The following FBN1 variants were observed in gnomAD, a reference collection of about 807,000 sequenced individuals.
The protein encoded by FBN1 is fibrillin 1.
In FBN1, 29 loss-of-function variants were observed where a neutral mutation model predicts 365.1. The ratio of observed to expected loss-of-function variants is 0.08; its 90% CI spans 0.06 to 0.11. FBN1 has a LOEUF of 0.11. Among genes scored for constraint, FBN1 ranks in the 10% least tolerant of loss-of-function variants. FBN1 has a pLI of 1.00. For missense variants in FBN1, 2,476 were observed against 3,703.2 expected, an observed-to-expected ratio of 0.67 and a Z score of 8.60; for synonymous variants, 1,210 against 1,270.5, an observed-to-expected ratio of 0.95 and a Z score of 1.01.
At chr15:48,543,428 C>T (rs777209821) in intron 6 of FBN1, among the ~76,000 whole-genome samples, 2 of 152,124 alleles carry the variant, frequency 1.3e-5, no homozygotes, top group African/African-American at 4.8e-5. Flanking sequence ...TCACGGAGAT[C>T]GTCTGAAATT....
chr15:48,464,740 G>A (rs939972636), intron 40 of FBN1, among the ~76,000 whole-genome samples: 1 of 152,132 alleles, frequency 6.6e-6, no homozygotes, highest in Non-Finnish European at 1.5e-5. Context: ...ATAGTATCCC[G>A]AAGCCATTAA....
intron 13 of FBN1, among the ~76,000 whole-genome samples, chr15:48,512,673 G>A (rs912769789): frequency 3.9e-5 from 6 of 152,080 alleles, no homozygotes; most frequent in Non-Finnish European, 7.4e-5. Flanking sequence ...TTTTATGGCT[G>A]CATAATATTC....
chr15:48,524,849 T>A (rs1262233959), intron 9 of FBN1, among the ~76,000 whole-genome samples: 1 of 152,238 alleles, frequency 6.6e-6, no homozygotes, highest in Non-Finnish European at 1.5e-5. Context: ...GATCCATGAA[T>A]CTTAGTTCCC....
intron 2 of FBN1, among the ~76,000 whole-genome samples, chr15:48,616,166 T>C (rs1320331046): frequency 6.6e-6 from 1 of 152,240 alleles, no homozygotes; most frequent in Non-Finnish European, 1.5e-5. Flanking sequence ...TAAGGTTCTT[T>C]ATAATTTTGG....
Position 48,576,028 on chromosome 15 carries a change from A to C in FBN1, c.538+20255T>G, listed in dbSNP as rs192053315. 5.9e-5 allele frequency among the ~76,000 whole-genome samples: 9 copies of C among 152,322 alleles called. No individual in the cohort carries two copies. In the East Asian group the frequency reaches 1.7e-3, roughly 29 times the overall value. On this transcript the variant is annotated intron_variant, in intron 6 of 65. Coordinates refer to ENST00000316623, the MANE Select transcript of FBN1 (RefSeq NM_000138.5). ...TGGGAAACAGAAGAGCAAGAGGACC[A>C]AAACTCACATGGAGTGGTCTCACCT...
At chr15:48,629,790 C>T (rs1231538576) in intron 2 of FBN1, among the ~76,000 whole-genome samples, 1 of 152,218 alleles carries the variant, frequency 6.6e-6, no homozygotes, top group African/African-American at 2.4e-5. Context: ...TTAAAAAACA[C>T]AAATTTGCAG....
intron 32 of FBN1, among the ~76,000 whole-genome samples, chr15:48,475,544 T>C (rs1372896279): frequency 6.6e-6 from 1 of 152,188 alleles, no homozygotes; most frequent in Non-Finnish European, 1.5e-5. Context: ...ATCAACTTTG[T>C]CATTAACTAA....
chr15:48,605,902 A>G (rs1277982212), intron 4 of FBN1, among the ~76,000 whole-genome samples: 1 of 152,204 alleles, frequency 6.6e-6, no homozygotes, highest in Non-Finnish European at 1.5e-5. Context: ...AAAAATAAGA[A>G]TCTGGACAAA....
chr15:48,641,878 G>A (rs1232820421), intron 2 of FBN1: 1 of 152,166 alleles, frequency 6.6e-6, no homozygotes, highest in East Asian at 1.9e-4. Flanking sequence ...AATTTAAAAT[G>A]TTATTCAAAT....
intron 45 of FBN1, among the ~76,000 whole-genome samples, chr15:48,451,001 G>A (rs1400056064): frequency 2.6e-5 from 4 of 152,182 alleles, no homozygotes; most frequent in African/African-American, 9.7e-5. Flanking sequence ...CCTTTCTTCT[G>A]AGGATTTCAA....
chr15:48,533,285 C>T (rs1458774547), intron 8 of FBN1, among the ~76,000 whole-genome samples: 1 of 152,104 alleles, frequency 6.6e-6, no homozygotes, highest in Non-Finnish European at 1.5e-5. Context: ...AGATGTAGCC[C>T]TGAGAATGCT....
intron 6 of FBN1, among the ~76,000 whole-genome samples, chr15:48,545,337 T>A (rs1329450042): frequency 1.3e-5 from 2 of 152,236 alleles, no homozygotes; most frequent in Non-Finnish European, 2.9e-5. Flanking sequence ...TGAAGAATCC[T>A]AATAGAATGT....
At chr15:48,412,471 G>A (rs1044968024) in intron 65 of FBN1, 98 bp downstream of exon 65, 73 of 1,286,300 alleles carry the variant, frequency 5.7e-5, no homozygotes, top group Admixed American at 8.4e-5. Flanking sequence ...TCCCTGGGGA[G>A]CTTTTTCACA....
At position 48,624,437 on chromosome 15, in the gene FBN1, C is replaced by T. The variant is rs1449022054; in HGVS notation, c.165-11345G>A. Among the ~76,000 whole-genome samples, 5 of 152,328 alleles carry T rather than the reference C, an allele frequency of 3.3e-5. No individual in the cohort carries two copies. The East Asian group carries it at 5.8e-4, about 18-fold the overall frequency. On this transcript the variant is annotated intron_variant, in intron 2 of 65. Transcript: ENST00000316623. ...AGGGCATCTGTATCTGGCCTACTGG[C>T]GTCACATGTCTGGTTGGTTGGGTAA...
intron 6 of FBN1, among the ~76,000 whole-genome samples, chr15:48,548,075 G>A (rs1252477620): frequency 6.6e-6 from 1 of 152,152 alleles, no homozygotes; most frequent in Non-Finnish European, 1.5e-5. Context: ...AAATCAGTAC[G>A]TGCTCAGATA....
At position 48,474,356 on chromosome 15, in the gene FBN1, C is replaced by T. The variant is rs761971121; in HGVS notation, c.4109G>A (p.Gly1370Glu). Residue 1370 changes from glycine (G) to glutamate (E), a missense_variant, in exon 34 of 66, where the codon GGA (glycine) becomes GAA (glutamate). Physicochemically the swap from Gly to Glu is moderately conservative, Grantham distance 98 (BLOSUM62 -2). Coordinates refer to ENST00000316623, the MANE Select transcript of FBN1 (RefSeq NM_000138.5). ...KCTDLDECSN[G>E]THMCSQHADC... The stretch of plus-strand genomic sequence containing the variant: ...TGCATGCTGGCTGCACATATGGGTT[C>T]CATTGGAACATTCGTCCAGATCTTA... 1.2e-6 allele frequency: 2 copies of T among 1,614,008 alleles called. No individual in the cohort carries two copies. Among genetic ancestry groups the T allele is most frequent in the South Asian group, 2.2e-5 (2 of 91,060 alleles).
intron 60 of FBN1, 99 bp from the exon 61 acceptor site, chr15:48,422,167 C>A: frequency 1.3e-6 from 1 of 799,494 alleles, no homozygotes. Context: ...TTGGAGGTCT[C>A]AAATGACCCT....
chr15:48,630,593 T>G (rs1292760886), intron 2 of FBN1, among the ~76,000 whole-genome samples: 1 of 152,168 alleles, frequency 6.6e-6, no homozygotes, highest in Non-Finnish European at 1.5e-5. Flanking sequence ...TTCAAAACTT[T>G]AAAAGGAAAA....
chr15:48,592,323 GAA>G (rs2140705854), intron 6 of FBN1, among the ~76,000 whole-genome samples: 1 of 152,112 alleles, frequency 6.6e-6, no homozygotes, highest in African/African-American at 2.4e-5. Context: ...ACATGACCCT[GAA>G]AAGTCTCATC....
Sources: gnomAD v4.1 joint callset for allele counts (sites outside exome capture counted in the v4.1 genomes callset) on GRCh38, gnomAD v4.1.1 for gene constraint, MANE v1.5 for transcripts, NCBI Gene and HGNC (gene_info 2026-07-23, HGNC 2026-07-21) for gene names.